EPB41L4B: variants seen among roughly 807,000 people sequenced by gnomAD.
The protein encoded by EPB41L4B is band 4.1-like protein 4B.
A neutral mutation model predicts 112.5 loss-of-function variants in EPB41L4B; 30 were observed. That is an observed-to-expected ratio of 0.27 (90% confidence interval 0.20 to 0.36). The LOEUF (loss-of-function observed/expected upper bound fraction) is 0.36, where lower values mean the gene tolerates loss of function less well. Among genes scored for constraint, EPB41L4B ranks in the 10% least tolerant of loss-of-function variants. The pLI is 1.00. For missense variants in EPB41L4B, 1,024 were observed against 1,133.3 expected (o/e 0.90, Z 1.38); for synonymous variants, 408 against 439.7 (o/e 0.93, Z 0.90).
At chr9:109,263,751 T>C (rs1835301101) in intron 5 of EPB41L4B, among the ~76,000 whole-genome samples, 1 of 152,246 alleles carries the variant, frequency 6.6e-6, no homozygotes, top group Non-Finnish European at 1.5e-5. Flanking sequence ...ATCAAGTTTG[T>C]AAACCTTTAG....
At chr9:109,183,812 G>GA (rs1293971031) in intron 23 of EPB41L4B, among the ~76,000 whole-genome samples, 1 of 152,242 alleles carries the variant, frequency 6.6e-6, no homozygotes, top group African/African-American at 2.4e-5. Context: ...TGGACACTGG[G>GA]ATAGCTACTC....
At chr9:109,293,180 A>G (rs1412928700) in intron 1 of EPB41L4B, among the ~76,000 whole-genome samples, 1 of 152,232 alleles carries the variant, frequency 6.6e-6, no homozygotes, top group East Asian at 1.9e-4. Flanking sequence ...TTATGCAACA[A>G]AAGATTACCA....
At chr9:109,300,225 G>C (rs1836907695) in intron 1 of EPB41L4B, 1 of 152,160 alleles carries the variant, frequency 6.6e-6, no homozygotes, top group African/African-American at 2.4e-5. Flanking sequence ...AGGGTGGCTG[G>C]GGCCATGACA....
At chr9:109,307,015 GTT>G (rs534923556) in intron 1 of EPB41L4B, among the ~76,000 whole-genome samples, 1,795 of 124,486 alleles carry the variant, frequency 0.014, 30 homozygotes, top group East Asian at 0.096. Flanking sequence ...TGCTGCAGTT[GTT>G]TTTTTTTTTT....
intron 17 of EPB41L4B, 118 bp downstream of exon 17, chr9:109,213,582 G>T: frequency 1.3e-6 from 1 of 746,926 alleles, no homozygotes. Flanking sequence ...CAGGAAAGAT[G>T]GAATAGAGAT....
chr9:109,297,703 C>T (rs1311698802), intron 1 of EPB41L4B, among the ~76,000 whole-genome samples: 3 of 152,228 alleles, frequency 2.0e-5, no homozygotes, highest in Non-Finnish European at 4.4e-5. Flanking sequence ...ACGGTACTCC[C>T]CTGGACTGAA....
intron 2 of EPB41L4B, among the ~76,000 whole-genome samples, chr9:109,269,384 A>C (rs1239290991): frequency 6.6e-6 from 1 of 152,192 alleles, no homozygotes; most frequent in Admixed American, 6.5e-5. Context: ...TGCCTCACAC[A>C]AAAGTTTCTC....
At chr9:109,311,182 A>C (rs12003100) in intron 1 of EPB41L4B, among the ~76,000 whole-genome samples, 40,717 of 152,154 alleles carry the variant, frequency 0.27, 5,908 homozygotes, top group East Asian at 0.57. Context: ...AAACACGGTT[A>C]AAATAGTAAA....
chr9:109,217,104 A>G lies in EPB41L4B; in HGVS notation c.1451T>C (p.Leu484Ser), dbSNP rs779483517. Residue 484 changes from leucine (L) to serine (S), a missense_variant, in exon 16 of 26, where the codon TTG becomes TCG. Transcript: ENST00000374566. ...PSPVLSSSDRLPFGIEENGGT... is the reference protein window; with the variant it reads ...PSPVLSSSDRSPFGIEENGGT... ...CCCATTCTCCTCAATGCCAAAAGGC[A>G]ACCGGTCCGAGCTGCTAAGCACTGG... 1.9e-6 allele frequency: 3 copies of G among 1,614,200 alleles called. No homozygotes were observed. Among genetic ancestry groups the G allele is most frequent in the Non-Finnish European group, 2.5e-6 (3 of 1,180,054 alleles).
At chr9:109,311,784 A>C (rs533121675) in intron 1 of EPB41L4B, among the ~76,000 whole-genome samples, 1 of 152,314 alleles carries the variant, frequency 6.6e-6, no homozygotes, top group South Asian at 2.1e-4. Flanking sequence ...GGGGAAGAGC[A>C]CTGGAAAATG....
chr9:109,278,675 C>G (rs886081598), intron 2 of EPB41L4B, among the ~76,000 whole-genome samples: 17 of 152,166 alleles, frequency 1.1e-4, no homozygotes, highest in South Asian at 2.1e-4. Flanking sequence ...CCCCTCCCCC[C>G]AGTCCACCCT....
intron 15 of EPB41L4B, among the ~76,000 whole-genome samples, chr9:109,228,771 C>G (rs1185547646): frequency 6.6e-6 from 1 of 152,146 alleles, no homozygotes; most frequent in Non-Finnish European, 1.5e-5. Context: ...CTTTGGAGTC[C>G]TTATAAAAAG....
At chr9:109,189,220 C>A (rs1309048433) in intron 22 of EPB41L4B, among the ~76,000 whole-genome samples, 2 of 152,136 alleles carry the variant, frequency 1.3e-5, no homozygotes, top group Non-Finnish European at 2.9e-5. Flanking sequence ...AATGGAAAGA[C>A]GTGAAGCTGC....
chr9:109,317,848 T>C (rs966697), intron 1 of EPB41L4B, among the ~76,000 whole-genome samples: 108,907 of 152,052 alleles, frequency 0.72, 40,154 homozygotes, highest in African/African-American at 0.91. Context: ...GGGCCAAATG[T>C]CAAAAAGGAC....
At chr9:109,311,379 A>G (rs1028660188) in intron 1 of EPB41L4B, among the ~76,000 whole-genome samples, 11 of 152,174 alleles carry the variant, frequency 7.2e-5, no homozygotes, top group Non-Finnish European at 1.5e-4. Flanking sequence ...GAAACCACAG[A>G]GCTGAGGGAT....
intron 2 of EPB41L4B, among the ~76,000 whole-genome samples, 182 bp downstream of exon 2, chr9:109,279,634 AG>A (rs1342973217): frequency 6.6e-6 from 1 of 152,190 alleles, no homozygotes; most frequent in Non-Finnish European, 1.5e-5. Flanking sequence ...CTCAAGGGTG[AG>A]GCATCCTACA....
At chr9:109,264,939 G>A (rs749645058) in intron 5 of EPB41L4B, 41 bp downstream of exon 5, 6 of 1,525,974 alleles carry the variant, frequency 3.9e-6, no homozygotes, top group South Asian at 3.8e-5. Flanking sequence ...AATACACTAT[G>A]ATCTATCCTG....
intron 17 of EPB41L4B, 73 bp downstream of exon 17, chr9:109,213,627 G>A (rs1588140976): frequency 7.8e-7 from 1 of 1,275,908 alleles, no homozygotes; most frequent in East Asian, 2.3e-5. Flanking sequence ...TTAGCAGGCA[G>A]GCTAGGGTAG....
chr9:109,176,830 T>A (rs1461670251), intron 24 of EPB41L4B, 134 bp from the exon 25 acceptor site: 13 of 1,014,802 alleles, frequency 1.3e-5, no homozygotes, highest in Non-Finnish European at 1.9e-5. Flanking sequence ...TCATTTTAAG[T>A]GATTTTACTT....
Sources: gnomAD v4.1 joint callset for allele counts (sites outside exome capture counted in the v4.1 genomes callset) on GRCh38, gnomAD v4.1.1 for gene constraint, MANE v1.5 for transcripts, NCBI Gene and HGNC (gene_info 2026-07-23, HGNC 2026-07-21) for gene names.